Variants in IGF2BP3 observed in about 807,000 individuals in gnomAD.
IGF2BP3 encodes the protein insulin like growth factor 2 mRNA binding protein 3, also known as insulin-like growth factor 2 mRNA-binding protein 3.
Under a neutral mutation model 73.8 loss-of-function variants are expected in IGF2BP3, and 9 were observed. That is an observed-to-expected ratio of 0.12 (90% CI 0.07 to 0.21). The LOEUF (loss-of-function observed/expected upper bound fraction) is 0.21, where lower values mean the gene tolerates loss of function less well. Among genes scored for constraint, IGF2BP3 ranks in the 10% least tolerant of loss-of-function variants. IGF2BP3 has a pLI of 1.00. For synonymous variants in IGF2BP3, 258 were observed against 256.7 expected (o/e 1.01, Z -0.05); for missense variants, 542 against 714.0 (o/e 0.76, Z 2.75).
intron 3 of IGF2BP3, among the ~76,000 whole-genome samples, chr7:23,394,372 T>G (rs1477485009): frequency 1.3e-5 from 2 of 151,982 alleles, no homozygotes; most frequent in African/African-American, 2.4e-5. Flanking sequence ...GAAGCTGAGG[T>G]AGCAGGATCG....
intron 10 of IGF2BP3, among the ~76,000 whole-genome samples, chr7:23,334,260 G>A (rs1784517049): frequency 6.6e-6 from 1 of 152,116 alleles, no homozygotes; most frequent in Admixed American, 6.5e-5. Flanking sequence ...TCTGGGAGGT[G>A]GAGGTTACAG....
chr7:23,366,775 G>A (rs1365691260), intron 3 of IGF2BP3, among the ~76,000 whole-genome samples: 1 of 152,026 alleles, frequency 6.6e-6, no homozygotes, highest in Non-Finnish European at 1.5e-5. Context: ...GGAAAGGGCT[G>A]TCAATAGCCT....
At chr7:23,321,907 C>G (rs1203448598) in intron 10 of IGF2BP3, among the ~76,000 whole-genome samples, 2 of 152,160 alleles carry the variant, frequency 1.3e-5, no homozygotes, top group African/African-American at 4.8e-5. Flanking sequence ...GACATCCACA[C>G]CAAAAACCCA....
chr7:23,378,281 G>A (rs976468943), intron 3 of IGF2BP3, among the ~76,000 whole-genome samples: 2 of 150,390 alleles, frequency 1.3e-5, no homozygotes, highest in African/African-American at 4.9e-5. Context: ...TTTCTACAAG[G>A]AGTATATAAT....
intron 2 of IGF2BP3, among the ~76,000 whole-genome samples, chr7:23,428,519 GAAAA>G (rs144236446): frequency 3.4e-5 from 5 of 145,588 alleles, no homozygotes; most frequent in African/African-American, 1.3e-4. Flanking sequence ...CTGTATAAAA[GAAAA>G]AAAAAATATA....
intron 3 of IGF2BP3, among the ~76,000 whole-genome samples, chr7:23,403,983 T>C (rs573185764): frequency 2.6e-5 from 4 of 151,884 alleles, no homozygotes; most frequent in African/African-American, 9.7e-5. Context: ...ATTTTTTTTT[T>C]TTTAAATTAA....
In IGF2BP3 at chr7:23,469,262, C is replaced by A. The variant is rs1324577448; in HGVS notation, c.175+674G>T. 1 of 152,272 alleles carries A rather than the reference C, an allele frequency of 6.6e-6. No homozygotes were observed. The highest frequency in any genetic ancestry group is 1.9e-4 in the East Asian group (1 of 5,140). 9.4% of individuals were successfully genotyped at this position (152,272 alleles called of 1,614,324 possible). A position where few individuals can be genotyped will look rare whatever the true frequency, so the allele number is the denominator to read the frequency against. On this transcript the variant is annotated intron_variant, in intron 1 of 14. Coordinates refer to ENST00000258729, the MANE Select transcript of IGF2BP3 (RefSeq NM_006547.3). The surrounding 1 kb of genome is among the most constrained non-coding windows in gnomAD (Gnocchi z 6.1). ...CGGAGGCCGCAGCCCCGCGCCAGGG[C>A]CCGGAGAGCGGCGGGCGGCCGGTGC...
At chr7:23,440,569 G>A (rs755031217) in intron 2 of IGF2BP3, among the ~76,000 whole-genome samples, 2 of 152,200 alleles carry the variant, frequency 1.3e-5, no homozygotes, top group East Asian at 1.9e-4. Flanking sequence ...TTGGAAATGC[G>A]TAAGCTTTAA....
intron 10 of IGF2BP3, among the ~76,000 whole-genome samples, chr7:23,325,026 C>G (rs1331968856): frequency 6.6e-6 from 1 of 151,786 alleles, no homozygotes; most frequent in South Asian, 2.1e-4. Flanking sequence ...CAGGGATGAC[C>G]TCTCTCACCA....
intron 3 of IGF2BP3, among the ~76,000 whole-genome samples, chr7:23,387,033 C>G (rs1034139764): frequency 6.7e-6 from 1 of 149,570 alleles, no homozygotes; most frequent in Non-Finnish European, 1.5e-5. Context: ...CGTCACTGCA[C>G]TCCTGCCTAG....
At chr7:23,320,798 A>T (rs114025009) in intron 10 of IGF2BP3, among the ~76,000 whole-genome samples, 1,914 of 151,876 alleles carry the variant, frequency 0.013, 43 homozygotes, top group African/African-American at 0.044. Flanking sequence ...AATTACAAAA[A>T]TTAGCCAGGC....
chr7:23,444,812 G>C (rs1015856810), intron 2 of IGF2BP3, among the ~76,000 whole-genome samples: 1 of 151,656 alleles, frequency 6.6e-6, no homozygotes, highest in Non-Finnish European at 1.5e-5. Flanking sequence ...GCTCATGCCA[G>C]TAATCCCAGC....
At chr7:23,440,789 A>G (rs1463273742) in intron 2 of IGF2BP3, among the ~76,000 whole-genome samples, 1 of 152,186 alleles carries the variant, frequency 6.6e-6, no homozygotes, top group Admixed American at 6.5e-5. Context: ...CCTAAGTCAA[A>G]GTTTTAGCTT....
chr7:23,362,552 T>C (rs932882755), intron 3 of IGF2BP3: 5 of 152,222 alleles, frequency 3.3e-5, no homozygotes, highest in African/African-American at 1.2e-4. Context: ...TGTATTATTA[T>C]ACTATGCATG....
intron 2 of IGF2BP3, among the ~76,000 whole-genome samples, chr7:23,425,849 A>G (rs1290644605): frequency 1.3e-5 from 2 of 152,084 alleles, no homozygotes; most frequent in Non-Finnish European, 2.9e-5. Flanking sequence ...TTGTAGTCCC[A>G]GCTACTCGGG....
intron 10 of IGF2BP3, among the ~76,000 whole-genome samples, chr7:23,334,944 T>C (rs971551285): frequency 5.3e-4 from 80 of 152,040 alleles, no homozygotes; most frequent in Non-Finnish European, 6.6e-4. Context: ...ATGCCACGGT[T>C]TCCCTTTGGC....
chr7:23,426,421 T>A (rs1787513954), intron 2 of IGF2BP3, among the ~76,000 whole-genome samples: 1 of 151,878 alleles, frequency 6.6e-6, no homozygotes, highest in Admixed American at 6.6e-5. Context: ...TAGTCAGTAC[T>A]CAAATTTTCC....
chr7:23,464,047 A>G (rs557777845), intron 2 of IGF2BP3, among the ~76,000 whole-genome samples: 1 of 152,296 alleles, frequency 6.6e-6, no homozygotes, highest in African/African-American at 2.4e-5. Flanking sequence ...AAGGAGTACC[A>G]CTGCTATTCG....
chr7:23,336,597 C>T (rs555831649), intron 10 of IGF2BP3, among the ~76,000 whole-genome samples: 1 of 152,250 alleles, frequency 6.6e-6, no homozygotes, highest in East Asian at 1.9e-4. Flanking sequence ...CCTCCACCTC[C>T]TCGGCTCATC....
Sources: allele counts gnomAD v4.1 joint callset (sites outside exome capture counted in the v4.1 genomes callset), GRCh38; gene constraint gnomAD v4.1.1; non-coding constraint Gnocchi (gnomAD v3.1); transcripts MANE v1.5; gene names NCBI Gene and HGNC (gene_info 2026-07-23, HGNC 2026-07-21).